PHF3: variants seen among roughly 807,000 people sequenced by gnomAD.
The protein encoded by PHF3 is PHD finger protein 3.
In PHF3, 41 loss-of-function variants were observed where a neutral mutation model predicts 178.4. That is an observed-to-expected ratio of 0.23 (90% CI 0.18 to 0.30). The LOEUF is 0.30. Ranked by LOEUF, PHF3 falls within the 10% of genes least tolerant of loss-of-function variation. PHF3 has a pLI of 1.00. For synonymous variants in PHF3, 842 were observed against 800.5 expected (o/e 1.05, Z -0.88); for missense variants, 2,346 against 2,398.1 (o/e 0.98, Z 0.45).
rs974488489 is a variant in PHF3, at chr6:63,725,909, G to A, written c.*12201G>A. On this transcript the variant is annotated 3_prime_UTR_variant, in exon 16 of 16. Coordinates refer to ENST00000262043, the MANE Select transcript of PHF3 (RefSeq NM_001370348.2). ...TTTAAAAATACTTAGCAATAGAGAT[G>A]TAACTATATGTGCAGATGTCTTTGT... is the stretch of plus-strand genomic sequence containing the variant. Among the ~76,000 whole-genome samples, 1 of 152,106 alleles carries A rather than the reference G, an allele frequency of 6.6e-6. No individual in the cohort carries two copies. Among genetic ancestry groups the A allele is most frequent in the Non-Finnish European group, 1.5e-5 (1 of 67,982 alleles).
chr6:63,703,657 G>A lies in PHF3; in HGVS notation c.3353G>A (p.Cys1118Tyr). ...AGACAGCATCTTTTTGATCTCAACT[G>A]CAAAATCTGCATAGGTAATTGGAAG... ...QHRQHLFDLN[C>Y]KICIGRMAPP... Residue 1118 changes from cysteine (C) to tyrosine (Y), a missense_variant, in exon 11 of 16, where the codon TGC becomes TAC. Physicochemically the swap from Cys to Tyr is radical, Grantham distance 194. Transcript: ENST00000262043. 6.3e-7 allele frequency: 1 copy of A among 1,598,338 alleles called. No homozygotes were observed. Among genetic ancestry groups the A allele is most frequent in the East Asian group, 2.3e-5 (1 of 44,346 alleles).
rs776038042 is a variant in PHF3 at position 63,720,938 on chromosome 6, A to G, written c.*7230A>G. The G allele has an allele frequency of 8.4e-6, 13 of 1,551,256 alleles. No homozygotes were observed. Among genetic ancestry groups the G allele is most frequent in the Non-Finnish European group, 1.1e-5 (13 of 1,146,702 alleles). ...AGAATGTGCCATTGTTATAGCTCAT[A>G]GGCACAGAGATTCTTTCTCCCAAGT... is the stretch of plus-strand genomic sequence containing the variant. On this transcript the variant is annotated 3_prime_UTR_variant, in exon 16 of 16. Transcript: ENST00000262043.
In PHF3 at chr6:63,713,163, G is replaced by A. The variant is rs754276164; in HGVS notation, c.5575G>A (p.Val1859Ile). Residue 1859 changes from valine to isoleucine, a missense_variant, in exon 16 of 16, where the codon GTT (valine) becomes ATT (isoleucine). Coordinates refer to ENST00000262043, the MANE Select transcript of PHF3 (RefSeq NM_001370348.2). Reference sequence around the variant, plus strand: ...TCCCATGGTTCCCTGGCCACCTGTTGTTCATCTCCCAGGTCAGCCACAGCG... The same window carrying A: ...TCCCATGGTTCCCTGGCCACCTGTTATTCATCTCCCAGGTCAGCCACAGCG... ...QNPMVPWPPV[V>I]HLPGQPQRMM... 1.2e-6 allele frequency: 2 copies of A among 1,613,882 alleles called. No individual in the cohort carries two copies. Among genetic ancestry groups the A allele is most frequent in the East Asian group, 4.5e-5 (2 of 44,880 alleles).
intron 8 of PHF3, among the ~76,000 whole-genome samples, chr6:63,699,296 C>A (rs1427330436): frequency 1.3e-5 from 2 of 152,192 alleles, no homozygotes; most frequent in Non-Finnish European, 2.9e-5. Context: ...CATGACTGAT[C>A]TCTTGTGTGT....
rs951666829 is a variant in PHF3, at chr6:63,719,687, T to G, written c.*5979T>G. ...GATAGTAATTTTCCATGGCATTGTT[T>G]AGAACCTATTTTATGCCCAATTTTG... On this transcript the variant is annotated 3_prime_UTR_variant, in exon 16 of 16. Transcript: ENST00000262043. Among the ~76,000 whole-genome samples the G allele has an allele frequency of 3.3e-5, 5 of 152,126 alleles. No homozygotes were observed. Among genetic ancestry groups the G allele is most frequent in the Non-Finnish European group, 7.4e-5 (5 of 67,972 alleles).
At position 63,721,220 on chromosome 6, in the gene PHF3, G is replaced by C; in HGVS notation, c.*7512G>C. On this transcript the variant is annotated 3_prime_UTR_variant, in exon 16 of 16. Coordinates refer to ENST00000262043, the MANE Select transcript of PHF3 (RefSeq NM_001370348.2). ...TTCCCACCCAACCCAAAGTACACAG[G>C]CAACTGTAAGAAAATGATTGGTCAG... 1.3e-6 allele frequency: 2 copies of C among 1,551,688 alleles called. No homozygotes were observed. The highest frequency in any genetic ancestry group is 1.7e-6 in the Non-Finnish European group (2 of 1,146,936).
chr6:63,685,846 T>C lies in PHF3; in HGVS notation c.2124T>C (p.Phe708=), dbSNP rs768441055. 4 of 1,613,494 alleles carry C rather than the reference T, an allele frequency of 2.5e-6. No individual in the cohort carries two copies. In the African/African-American group the frequency reaches 4.0e-5, roughly 16 times the overall value. ...AAGGCTCTGATCATAGCTCCTCATT[T>C]GAAAGCAAATATATGTGGACTCCCA... The part of the protein sequence containing the change: ...RREGSDHSSS[F]ESKYMWTPSK... The change falls in exon 4 of 16, where the codon TTT becomes TTC. Residue 708 remains phenylalanine, a synonymous_variant. Coordinates refer to ENST00000262043, the MANE Select transcript of PHF3 (RefSeq NM_001370348.2).
Position 63,684,386 on chromosome 6 carries a change from G to T in PHF3, c.664G>T (p.Val222Leu). The change falls in exon 4 of 16, where the codon GTG becomes TTG. Residue 222 changes from valine (V) to leucine (L), a missense_variant. Around this residue, in one of 8 missense-constraint regions of PHF3, gnomAD observed 843 missense variants for 795.2 expected, o/e 1.06. Transcript: ENST00000262043. Reference protein sequence around the residue: ...EVSVSSSHSSVSSCLEMKDED... With the variant: ...EVSVSSSHSSLSSCLEMKDED... ...ATCAGTGTCTTCAAGTCATTCTTCA[G>T]TGTCATCTTGTCTTGAAATGAAGGA... 1 of 1,613,980 alleles carries T rather than the reference G, an allele frequency of 6.2e-7. No individual in the cohort carries two copies. Among genetic ancestry groups the T allele is most frequent in the Non-Finnish European group, 8.5e-7 (1 of 1,179,858 alleles).
chr6:63,664,479 A>G lies in PHF3; in HGVS notation c.245-15521A>G, dbSNP rs955027982. Among the ~76,000 whole-genome samples the G allele has an allele frequency of 2.0e-4, 30 of 152,192 alleles. 1 individual carries two copies. Among genetic ancestry groups the G allele is most frequent in the African/African-American group, 7.2e-4 (30 of 41,450 alleles). On this transcript the variant is annotated intron_variant, in intron 2 of 15. Coordinates refer to ENST00000262043, the MANE Select transcript of PHF3 (RefSeq NM_001370348.2). ...CAAACTTTTTTGATTGTGTAAGTTT[A>G]TATATAAGACATTTGAGTGCACACC... is the stretch of plus-strand genomic sequence containing the variant.
At chr6:63,698,626 T>G in intron 8 of PHF3, 21 bp downstream of exon 8, 1 of 1,507,710 alleles carries the variant, frequency 6.6e-7, no homozygotes. Context: ...TTTGTTCATA[T>G]GTTTATGCTT....
Position 63,685,720 on chromosome 6 carries a change from T to C in PHF3, c.1998T>C (p.Pro666=). 6.2e-7 allele frequency: 1 copy of C among 1,614,010 alleles called. No individual in the cohort carries two copies. The highest frequency in any genetic ancestry group is 8.5e-7 in the Non-Finnish European group (1 of 1,180,008). Residue 666 remains proline, a synonymous_variant, in exon 4 of 16, where the codon CCT becomes CCC. Transcript: ENST00000262043. ...KEEDKLKLKK[P]EKNLQPRQRR... ...AGGATAAACTGAAACTGAAAAAACC[T>C]GAGAAGAACCTACAACCCCGCCAAA...
chr6:63,691,721 G>T lies in PHF3; in HGVS notation c.2190-16G>T, dbSNP rs200462475. 3.3e-6 allele frequency: 5 copies of T among 1,534,382 alleles called. No individual in the cohort carries two copies. The highest frequency in any genetic ancestry group is 2.8e-5 in the African/African-American group (2 of 71,340). ...TAAAAAAAGGGATAAAAGTTTTTTG[G>T]TGTTCTGTTTTCCAGGTTTATGGTT... On this transcript the variant is annotated splice_polypyrimidine_tract_variant and intron_variant, in intron 4 of 15. Coordinates refer to ENST00000262043, the MANE Select transcript of PHF3 (RefSeq NM_001370348.2).
At chr6:63,698,108 C>T in intron 6 of PHF3, 115 bp from the exon 7 acceptor site, 1 of 793,600 alleles carries the variant, frequency 1.3e-6, no homozygotes, top group Non-Finnish European at 2.0e-6. Flanking sequence ...ATTGTGGGTT[C>T]TGATCTTATT....
chr6:63,685,091 A>G lies in PHF3; in HGVS notation c.1369A>G (p.Thr457Ala), dbSNP rs1166118993. The change falls in exon 4 of 16, where the codon ACT (threonine) becomes GCT (alanine). Residue 457 changes from threonine to alanine, a missense_variant. Physicochemically the swap from Thr to Ala is moderately conservative, Grantham distance 58. Around this residue, in one of 8 missense-constraint regions of PHF3, gnomAD observed 843 missense variants for 795.2 expected, o/e 1.06. Transcript: ENST00000262043. The stretch of plus-strand genomic sequence containing the variant: ...AAAACAGTTGAATGCTATAGAAAGT[A>G]CTAAAATAGAGTCCCATGAAACAGC... ...NSKQLNAIES[T>A]KIESHETANL... The G allele has an allele frequency of 6.2e-7, 1 of 1,614,086 alleles. No individual in the cohort carries two copies. Among genetic ancestry groups the G allele is most frequent in the Admixed American group, 1.7e-5 (1 of 60,018 alleles).
At chr6:63,651,861 C>G (rs1393380201) in intron 2 of PHF3, among the ~76,000 whole-genome samples, 6 of 152,096 alleles carry the variant, frequency 3.9e-5, no homozygotes, top group African/African-American at 1.4e-4. Context: ...CATCTGTGTT[C>G]CCATAATGGC....
intron 4 of PHF3, among the ~76,000 whole-genome samples, chr6:63,687,081 C>T (rs761921701): frequency 6.6e-6 from 1 of 152,168 alleles, no homozygotes; most frequent in Non-Finnish European, 1.5e-5. Flanking sequence ...GTGCTACATT[C>T]ACTGTCACTT....
chr6:63,694,997 T>C (rs977056807), intron 6 of PHF3, among the ~76,000 whole-genome samples: 1 of 152,130 alleles, frequency 6.6e-6, no homozygotes, highest in Non-Finnish European at 1.5e-5. Flanking sequence ...TCATGGCACT[T>C]AAATACTAAT....
At chr6:63,681,648 T>TGTA (rs1261034955) in intron 3 of PHF3, among the ~76,000 whole-genome samples, 1 of 152,138 alleles carries the variant, frequency 6.6e-6, no homozygotes, top group Non-Finnish European at 1.5e-5. Context: ...GTTTCATGGA[T>TGTA]GTAGTATCTT....
chr6:63,700,990 T>A (rs1381783452), intron 9 of PHF3, among the ~76,000 whole-genome samples: 1 of 152,186 alleles, frequency 6.6e-6, no homozygotes, highest in East Asian at 1.9e-4. Context: ...AGAATTACCT[T>A]GTGTTTTATT....
Sources: allele counts gnomAD v4.1 joint callset (sites outside exome capture counted in the v4.1 genomes callset), GRCh38; gene constraint gnomAD v4.1.1; regional missense constraint gnomAD v4.1.1; transcripts MANE v1.5; gene names NCBI Gene and HGNC (gene_info 2026-07-23, HGNC 2026-07-21).